The following ATR variants were observed in gnomAD, a reference collection of about 807,000 sequenced individuals.
ATR encodes the protein serine/threonine-protein kinase ATR.
ATR carries 142 observed loss-of-function variants against 305.3 expected under a neutral mutation model. The ratio of observed to expected loss-of-function variants is 0.47; its 90% confidence interval spans 0.41 to 0.53. The LOEUF (loss-of-function observed/expected upper bound fraction) is 0.53, where lower values mean the gene tolerates loss of function less well. Ranked by LOEUF, ATR falls within the 20% of genes least tolerant of loss-of-function variation. ATR has a pLI of 0.00. For missense variants in ATR, 2,135 were observed against 3,133.1 expected (o/e 0.68, Z 7.60); for synonymous variants, 1,050 against 1,068.1 (o/e 0.98, Z 0.33).
chr3:142,512,310 G>C lies in ATR; in HGVS notation c.4802C>G (p.Ala1601Gly), dbSNP rs2032619143. ...WARHKFQALKAEKCPHSKSNR... is the reference protein window; with the variant it reads ...WARHKFQALKGEKCPHSKSNR... ...TGATTTGCTGTGTGGACATTTCTCAGCTTTCAGTGCCTGAAATTTGTGCCT... is the reference window on the plus strand; with the variant it reads ...TGATTTGCTGTGTGGACATTTCTCACCTTTCAGTGCCTGAAATTTGTGCCT... The change falls in exon 27 of 47, where the codon GCT becomes GGT. Residue 1601 changes from alanine to glycine, a missense_variant. By Grantham distance (60) the Ala-to-Gly change is moderately conservative. Transcript: ENST00000350721. 6.2e-7 allele frequency: 1 copy of C among 1,613,168 alleles called. No individual in the cohort carries two copies.
intron 36 of ATR, among the ~76,000 whole-genome samples, chr3:142,475,273 AGT>A (rs954720059): frequency 1.2e-4 from 18 of 150,862 alleles, no homozygotes; most frequent in Middle Eastern, 3.4e-3. Flanking sequence ...AACAGGCCCC[AGT>A]GTGTGATGTT....
chr3:142,484,014 G>T (rs925240352), intron 36 of ATR, among the ~76,000 whole-genome samples: 9 of 151,962 alleles, frequency 5.9e-5, no homozygotes, highest in African/African-American at 1.9e-4. Context: ...CCAGGCTGTG[G>T]AATTATAATA....
chr3:142,479,172 C>T (rs1248983034), intron 36 of ATR, among the ~76,000 whole-genome samples: 1 of 152,128 alleles, frequency 6.6e-6, no homozygotes, highest in Non-Finnish European at 1.5e-5. Flanking sequence ...GATGCAGTTT[C>T]TTCCTAGCAT....
chr3:142,539,020 T>C (rs1329208340), intron 18 of ATR, among the ~76,000 whole-genome samples: 1 of 152,138 alleles, frequency 6.6e-6, no homozygotes, highest in East Asian at 1.9e-4. Flanking sequence ...TTATATAACT[T>C]TTAAATTAAA....
chr3:142,512,978 A>C (rs1420871758), intron 26 of ATR, among the ~76,000 whole-genome samples: 1 of 152,192 alleles, frequency 6.6e-6, no homozygotes, highest in East Asian at 1.9e-4. Flanking sequence ...AATTTTAAAA[A>C]TTTTAAAATA....
intron 4 of ATR, 23 bp from the exon 5 acceptor site, chr3:142,561,444 C>T (rs1254278160): frequency 9.4e-6 from 15 of 1,588,770 alleles, no homozygotes; most frequent in Non-Finnish European, 1.3e-5. Context: ...AAAATAATTT[C>T]CAGAAATATT....
chr3:142,464,903 T>C (rs2071092766), intron 41 of ATR, among the ~76,000 whole-genome samples, 194 bp downstream of exon 41: 1 of 152,154 alleles, frequency 6.6e-6, no homozygotes. Context: ...ATAAAAAAAT[T>C]AAGTGAAAAT....
intron 39 of ATR, among the ~76,000 whole-genome samples, chr3:142,467,542 A>C (rs76786626): frequency 0.017 from 2,659 of 152,270 alleles, 65 homozygotes; most frequent in African/African-American, 0.06. Flanking sequence ...GTAGTTTAAT[A>C]ATGTATATGA....
chr3:142,452,240 T>C, intron 46 of ATR: 1 of 995,460 alleles, frequency 1.0e-6, no homozygotes, highest in Non-Finnish European at 1.2e-6. Context: ...GGTAGTTAAC[T>C]GGAATGTAAA....
At chr3:142,498,481 T>G in intron 32 of ATR, 116 bp downstream of exon 32, 1 of 884,524 alleles carries the variant, frequency 1.1e-6, no homozygotes. Context: ...AAGAGCTGTC[T>G]AGTGTAGCTA....
intron 37 of ATR, among the ~76,000 whole-genome samples, chr3:142,469,835 CA>C (rs1342184433): frequency 6.6e-6 from 1 of 152,122 alleles, no homozygotes; most frequent in East Asian, 1.9e-4. Context: ...CTAAAACTAA[CA>C]CATTTTAATA....
At chr3:142,469,210 T>A in intron 38 of ATR, 127 bp downstream of exon 38, 1 of 666,286 alleles carries the variant, frequency 1.5e-6, no homozygotes, top group Non-Finnish European at 2.4e-6. Flanking sequence ...AAAAAAATAT[T>A]TAAAATTACT....
intron 21 of ATR, among the ~76,000 whole-genome samples, chr3:142,528,879 A>ATATATATATATATAT (rs1215767510): frequency 6.6e-5 from 2 of 30,486 alleles, no homozygotes; most frequent in Non-Finnish European, 1.0e-4. Context: ...ATATATATAT[A>ATATATATATATATAT]TTTTTTTTTT....
intron 36 of ATR, among the ~76,000 whole-genome samples, chr3:142,476,384 G>C (rs927299210): frequency 6.6e-6 from 1 of 152,078 alleles, no homozygotes; most frequent in Non-Finnish European, 1.5e-5. Flanking sequence ...TGTCAGGGTG[G>C]TCGAAGATCA....
At chr3:142,551,618 C>T (rs1178713656) in intron 13 of ATR, among the ~76,000 whole-genome samples, 2 of 152,074 alleles carry the variant, frequency 1.3e-5, no homozygotes, top group Non-Finnish European at 1.5e-5. Flanking sequence ...ACTGACTAGC[C>T]ATATGCAGAA....
chr3:142,571,264 TA>T (rs1197154508), intron 1 of ATR, among the ~76,000 whole-genome samples: 1 of 152,008 alleles, frequency 6.6e-6, no homozygotes, highest in Non-Finnish European at 1.5e-5. Context: ...TCAGTAGATC[TA>T]AACCATCCCG....
intron 24 of ATR, among the ~76,000 whole-genome samples, chr3:142,517,301 C>T (rs2032907609): frequency 6.6e-6 from 1 of 150,508 alleles, no homozygotes; most frequent in African/African-American, 2.4e-5. Context: ...CTCCCAAATA[C>T]AGCCATCCTT....
At chr3:142,559,734 C>A (rs1184190673) in intron 6 of ATR, among the ~76,000 whole-genome samples, 1 of 152,144 alleles carries the variant, frequency 6.6e-6, no homozygotes, top group Non-Finnish European at 1.5e-5. Context: ...GGAAACCCAT[C>A]TCTACAAAAA....
rs754728006 is a variant in ATR at position 142,563,018 on chromosome 3, A to C, written c.384T>G (p.Cys128Trp). 1 of 1,600,164 alleles carries C rather than the reference A, an allele frequency of 6.2e-7. No homozygotes were observed. The highest frequency in any genetic ancestry group is 8.5e-7 in the Non-Finnish European group (1 of 1,175,830). Residue 128 changes from cysteine to tryptophan, a missense_variant, in exon 4 of 47, where the codon TGT becomes TGG. Transcript: ENST00000350721. ...TGCTTTTAAAAAGAAATAATAATGA[A>C]CAGATGACTTCACAGATTTTCTTGT... Reference protein sequence around the residue: ...LLHKKICEVICSLLFLFKSKS... With the variant: ...LLHKKICEVIWSLLFLFKSKS...
Sources: allele counts gnomAD v4.1 joint callset (sites outside exome capture counted in the v4.1 genomes callset), GRCh38; gene constraint gnomAD v4.1.1; transcripts MANE v1.5; gene names NCBI Gene and HGNC (gene_info 2026-07-23, HGNC 2026-07-21).